The following RTCA variants were observed in gnomAD, a reference collection of about 807,000 sequenced individuals.
RTCA encodes RNA 3'-terminal phosphate cyclase.
RTCA carries 37 observed loss-of-function variants against 46.1 expected under a neutral mutation model. That is an observed-to-expected ratio of 0.80 (90% CI 0.62 to 1.06). The LOEUF (loss-of-function observed/expected upper bound fraction) is 1.06, where lower values mean the gene tolerates loss of function less well. RTCA is among the 50% of genes least tolerant of loss of function. The probability of loss-of-function intolerance (pLI) is 0.00; values close to 1 mark genes in which losing one functional copy is unlikely to be tolerated. For missense variants in RTCA, 435 were observed against 455.5 expected (o/e 0.95, Z 0.41); for synonymous variants, 164 against 158.3 (o/e 1.04, Z -0.27).
At chr1:100,287,794 CTTTTT>C (rs151172878) in intron 10 of RTCA, among the ~76,000 whole-genome samples, 11 of 125,412 alleles carry the variant, frequency 8.8e-5, no homozygotes, top group Admixed American at 4.1e-4. Flanking sequence ...CTACAGGATT[CTTTTT>C]TTTTTTTTTT....
At chr1:100,267,585 G>C in intron 2 of RTCA, 1 of 1,514,946 alleles carries the variant, frequency 6.6e-7, no homozygotes. Context: ...CTCCAGGCCT[G>C]TCTTTTTGCC....
chr1:100,291,017 A>G (rs1440121368), intron 10 of RTCA, among the ~76,000 whole-genome samples: 2 of 152,192 alleles, frequency 1.3e-5, no homozygotes, highest in East Asian at 3.8e-4. Context: ...ACTTGACAAG[A>G]TAAAAGTAGA....
chr1:100,277,244 T>C lies in RTCA; in HGVS notation c.741-14T>C, dbSNP rs948261828. On this transcript the variant is annotated splice_polypyrimidine_tract_variant and intron_variant, in intron 7 of 10. Coordinates refer to ENST00000370128, the MANE Select transcript of RTCA (RefSeq NM_003729.4). ...TTTATAGCAAAGGTAGTAATAACTT[T>C]TTTTCTTGCATAGAATTATTGCTGA... is the stretch of plus-strand genomic sequence containing the variant. 1 of 1,612,604 alleles carries C rather than the reference T, an allele frequency of 6.2e-7. No homozygotes were observed. The highest frequency in any genetic ancestry group is 1.3e-5 in the African/African-American group (1 of 74,874).
At chr1:100,275,516 T>A in intron 6 of RTCA, 83 bp from the exon 7 acceptor site, 1 of 1,046,512 alleles carries the variant, frequency 9.6e-7, no homozygotes, top group Non-Finnish European at 1.3e-6. Context: ...TACCAATTAT[T>A]TTATGTGTCT....
Position 100,289,308 on chromosome 1 carries a change from T to TG in RTCA, c.1000-2095_1000-2094insG, listed in dbSNP as rs148628500. Among the ~76,000 whole-genome samples, 329 of 150,034 alleles carry TG rather than the reference T, an allele frequency of 2.2e-3. 1 individual carries two copies. The highest frequency in any genetic ancestry group is 3.8e-3 in the South Asian group (18 of 4,772). On this transcript the variant is annotated intron_variant, in intron 10 of 10. Coordinates refer to ENST00000370128, the MANE Select transcript of RTCA (RefSeq NM_003729.4). Reference sequence around the variant, plus strand: ...CACACCCTGCTAATTTTTTTTTTGTTTTTGTTTTTGTTTTTTGAGAGACGG... The same window carrying TG: ...CACACCCTGCTAATTTTTTTTTTGTTGTTTGTTTTTGTTTTTTGAGAGACGG...
intron 7 of RTCA, among the ~76,000 whole-genome samples, chr1:100,276,404 C>T (rs1481819411): frequency 6.6e-5 from 10 of 152,202 alleles, no homozygotes; most frequent in South Asian, 2.1e-4. Context: ...AGAGGCCAGG[C>T]GCGGTGGCTT....
At position 100,270,674 on chromosome 1, in the gene RTCA, A is replaced by G. The variant is rs760485062; in HGVS notation, c.408A>G (p.Thr136=). 2.5e-6 allele frequency: 4 copies of G among 1,613,862 alleles called. No homozygotes were observed. The highest frequency in any genetic ancestry group is 3.3e-4 in the Middle Eastern group (2 of 6,058). ...NAEMAPQIDY[T]VMVFKPIVEK... ...AAATGGCACCACAGATCGATTATAC[A>G]GTGATGGTAAGGGCTTTTGTTGTTG... Residue 136 remains threonine (T), a synonymous_variant, in exon 4 of 11, where the codon ACA becomes ACG. Transcript: ENST00000370128.
chr1:100,266,737 A>C, intron 2 of RTCA, 113 bp downstream of exon 2: 1 of 867,030 alleles, frequency 1.2e-6, no homozygotes, highest in Non-Finnish European at 1.8e-6. Flanking sequence ...TCCCAGACGC[A>C]GGTATGGGCG....
rs1667075848 is a variant in RTCA at position 100,287,199 on chromosome 1, C to A, written c.995C>A (p.Ala332Glu). The A allele has an allele frequency of 6.4e-7, 1 of 1,558,592 alleles. No individual in the cohort carries two copies. The highest frequency in any genetic ancestry group is 2.0e-5 in the Admixed American group (1 of 48,826). Residue 332 changes from alanine (A) to glutamate (E), a missense_variant, in exon 10 of 11, where the codon GCA (alanine) becomes GAA (glutamate). Transcript: ENST00000370128. ...QTAIHFAEQI[A>E]KAKFIVKKSE... ...GCGATACATTTTGCTGAACAAATAG[C>A]AAAGGTGAGTATTCTATCAGAAAGG...
Position 100,266,974 on chromosome 1 carries a change from A to G in RTCA, c.146+350A>G, listed in dbSNP as rs1017816706. 13 of 310,644 alleles carry G rather than the reference A, an allele frequency of 4.2e-5. 1 individual carries two copies. The highest frequency in any genetic ancestry group is 2.9e-4 in the East Asian group (5 of 17,238). The allele number at this position is 310,644 out of a possible 1,614,324, so 19.2% of individuals were successfully genotyped here. On this transcript the variant is annotated intron_variant, in intron 2 of 10. Transcript: ENST00000370128. ...ATAGGGCAGAAATGCTTGTGACGCC[A>G]GAGGAAACCCTGTTTTATAACCAGT...
At position 100,274,430 on chromosome 1, in the gene RTCA, C is replaced by G. The variant is rs556992001; in HGVS notation, c.474-394C>G. Among the ~76,000 whole-genome samples, 11 of 152,312 alleles carry G rather than the reference C, an allele frequency of 7.2e-5. No individual in the cohort carries two copies. In the South Asian group the frequency reaches 8.3e-4, roughly 11 times the overall value. On this transcript the variant is annotated intron_variant, in intron 5 of 10. Transcript: ENST00000370128. ...AATAGCAGGAACAATATAGGTAAGTCTAGCCCTCAAGGCGCTTATATTCTA... is the reference window on the plus strand; with the variant it reads ...AATAGCAGGAACAATATAGGTAAGTGTAGCCCTCAAGGCGCTTATATTCTA...
rs1667384635 is a variant in RTCA, at chr1:100,292,115, T to G, written c.*611T>G. On this transcript the variant is annotated 3_prime_UTR_variant, in exon 11 of 11. Transcript: ENST00000370128. ...TTGTATTTTTAGTAGAGACAGGGTT[T>G]CACCATATTGGTCAGGCTGGTTTCG... is the stretch of plus-strand genomic sequence containing the variant. 1 of 152,164 alleles carries G rather than the reference T, an allele frequency of 6.6e-6. No individual in the cohort carries two copies. Among genetic ancestry groups the G allele is most frequent in the African/African-American group, 2.4e-5 (1 of 41,364 alleles). 9.4% of individuals were successfully genotyped at this position (152,164 alleles called of 1,614,324 possible).
chr1:100,280,186 GATGTCTGGCTTA>G (rs1016088105), intron 8 of RTCA, among the ~76,000 whole-genome samples: 3 of 152,224 alleles, frequency 2.0e-5, no homozygotes, highest in Non-Finnish European at 4.4e-5. Context: ...TGACCTTCTA[GATGTCTGGCTTA>G]GGTAACTGGA....
chr1:100,283,950 G>GAAAAAAAAAAAAAAAAAAA (rs1482720549), intron 8 of RTCA, among the ~76,000 whole-genome samples: 2 of 55,398 alleles, frequency 3.6e-5, no homozygotes, highest in African/African-American at 6.3e-5. Context: ...AAAAAAAAAA[G>GAAAAAAAAAAAAAAAAAAA]AAAAAACAAG....
intron 2 of RTCA, chr1:100,267,390 G>A: frequency 8.3e-7 from 1 of 1,202,084 alleles, no homozygotes; most frequent in Non-Finnish European, 1.1e-6. Context: ...TCACCAACAG[G>A]GGAATCCAAT....
At chr1:100,273,918 G>A (rs987329017) in intron 5 of RTCA, among the ~76,000 whole-genome samples, 12 of 152,158 alleles carry the variant, frequency 7.9e-5, no homozygotes, top group African/African-American at 2.9e-4. Context: ...GCATTTAAGT[G>A]CTTTGAAGTC....
chr1:100,276,879 G>A (rs1005236507), intron 7 of RTCA, among the ~76,000 whole-genome samples: 3 of 152,156 alleles, frequency 2.0e-5, no homozygotes, highest in Non-Finnish European at 2.9e-5. Flanking sequence ...TCTAAAAACC[G>A]TAGAACAATA....
At chr1:100,288,252 C>G (rs1667137610) in intron 10 of RTCA, among the ~76,000 whole-genome samples, 1 of 152,156 alleles carries the variant, frequency 6.6e-6, no homozygotes, top group Non-Finnish European at 1.5e-5. Context: ...AATCGTTTCT[C>G]TTTGCATTTT....
At chr1:100,285,679 C>G (rs1666984085) in intron 9 of RTCA, among the ~76,000 whole-genome samples, 1 of 151,864 alleles carries the variant, frequency 6.6e-6, no homozygotes, top group African/African-American at 2.4e-5. Flanking sequence ...GAGACAGAGT[C>G]TTGCTATGTT....
Sources: gnomAD v4.1 joint callset for allele counts (sites outside exome capture counted in the v4.1 genomes callset) on GRCh38, gnomAD v4.1.1 for gene constraint, MANE v1.5 for transcripts, NCBI Gene and HGNC (gene_info 2026-07-23, HGNC 2026-07-21) for gene names.